The following CPEB1 variants were observed in gnomAD, a reference collection of about 807,000 sequenced individuals.
CPEB1 encodes the protein cytoplasmic polyadenylation element binding protein 1.
In CPEB1, 7 loss-of-function variants were observed where a neutral mutation model predicts 65.8. The observed-to-expected ratio is 0.11, with a 90% CI of 0.06 to 0.20. The LOEUF (loss-of-function observed/expected upper bound fraction) is 0.20, where lower values mean the gene tolerates loss of function less well. Ranked by LOEUF, CPEB1 falls within the 10% of genes least tolerant of loss-of-function variation. The pLI, the probability that CPEB1 is intolerant of heterozygous loss-of-function variation, is 1.00. For missense variants in CPEB1, 551 were observed against 712.2 expected, an observed-to-expected ratio of 0.77 and a Z score of 2.58; for synonymous variants, 262 against 260.0, an observed-to-expected ratio of 1.01 and a Z score of -0.08.
intron 10 of CPEB1, among the ~76,000 whole-genome samples, chr15:82,547,513 CTTG>C (rs2035468877): frequency 6.6e-6 from 1 of 151,788 alleles, no homozygotes; most frequent in Admixed American, 6.6e-5. Context: ...CCAGCATGGT[CTTG>C]ATCTCCTGAC....
chr15:82,603,194 A>G, intron 3 of CPEB1, among the ~76,000 whole-genome samples: 1 of 152,080 alleles, frequency 6.6e-6, no homozygotes, highest in Non-Finnish European at 1.5e-5. Context: ...CCTGGAAGCC[A>G]CTGAAAGGAC....
intron 3 of CPEB1, chr15:82,571,945 G>C (rs1269414939): frequency 5.2e-6 from 4 of 765,730 alleles, no homozygotes; most frequent in Middle Eastern, 1.3e-3. Flanking sequence ...AATAGTCCCG[G>C]TGCAGTGCCG....
chr15:82,569,074 TC>T (rs1420381186), intron 4 of CPEB1, among the ~76,000 whole-genome samples: 5 of 152,152 alleles, frequency 3.3e-5, no homozygotes, highest in African/African-American at 1.2e-4. Flanking sequence ...GTTGAAAGCC[TC>T]CTCCCTCACT....
In CPEB1 at chr15:82,546,538, T is replaced by TA; in HGVS notation, c.1576-18dup. On this transcript the variant is annotated splice_polypyrimidine_tract_variant and intron_variant, in intron 11 of 12. Coordinates refer to ENST00000684509, the MANE Select transcript of CPEB1 (RefSeq NM_001365242.1). Reference sequence around the variant, plus strand: ...AATCTGAACCTGCACAAAGGCAAAATAAGATGATGAAGTGGCTCTTCTTAC... The same window carrying TA: ...AATCTGAACCTGCACAAAGGCAAAATAAAGATGATGAAGTGGCTCTTCTTAC... 1 of 1,601,670 alleles carries TA rather than the reference T, an allele frequency of 6.2e-7. No homozygotes were observed. The highest frequency in any genetic ancestry group is 8.6e-7 in the Non-Finnish European group (1 of 1,169,034).
At chr15:82,633,506 G>A (rs975560530) in intron 1 of CPEB1, among the ~76,000 whole-genome samples, 1 of 152,210 alleles carries the variant, frequency 6.6e-6, no homozygotes, top group African/African-American at 2.4e-5. Context: ...CCGAGTAGCT[G>A]GGATTACAGG....
rs3080692 is a variant in CPEB1, at chr15:82,584,903, CTTTTT to C, written c.272-13376_272-13372del. Among the ~76,000 whole-genome samples, 210 of 81,736 alleles carry C rather than the reference CTTTTT, an allele frequency of 2.6e-3. 2 individuals are homozygous for C. The highest frequency in any genetic ancestry group is 0.02 in the Middle Eastern group (2 of 102). The allele number at this position is 81,736 out of a possible 152,430, so 53.6% of individuals were successfully genotyped here. A position where few individuals can be genotyped will look rare whatever the true frequency, so the allele number is the denominator to read the frequency against. ...GACATAATTTTTTTTTCCTAATTTG[CTTTTT>C]TTTTTTTTTTTTTTACAGTGAACAC... On this transcript the variant is annotated intron_variant, in intron 3 of 12. Coordinates refer to ENST00000684509, the MANE Select transcript of CPEB1 (RefSeq NM_001365242.1).
chr15:82,546,125 T>G (rs1251569132), intron 12 of CPEB1, among the ~76,000 whole-genome samples: 1 of 152,142 alleles, frequency 6.6e-6, no homozygotes, highest in African/African-American at 2.4e-5. Context: ...CAATTTTTTT[T>G]TTTTGACACG....
At chr15:82,600,612 G>A (rs2043021845) in intron 3 of CPEB1, among the ~76,000 whole-genome samples, 1 of 152,168 alleles carries the variant, frequency 6.6e-6, no homozygotes, top group African/African-American at 2.4e-5. Context: ...TAAGGTCCTT[G>A]CATTTTCTAG....
chr15:82,605,628 A>ACAT (rs1227105020), intron 3 of CPEB1, among the ~76,000 whole-genome samples: 2 of 151,676 alleles, frequency 1.3e-5, no homozygotes, highest in African/African-American at 4.9e-5. Flanking sequence ...ATATATCAGA[A>ACAT]CATCACACTG....
upstream of CPEB1, chr15:82,647,687 C>T: frequency 2.2e-6 from 1 of 444,860 alleles, no homozygotes; most frequent in Non-Finnish European, 3.5e-6. Context: ...CGCCCTCCAC[C>T]CCTCCACGAG....
chr15:82,614,398 T>A (rs529135893), intron 3 of CPEB1, among the ~76,000 whole-genome samples: 20 of 152,352 alleles, frequency 1.3e-4, no homozygotes, highest in African/African-American at 4.8e-4. Flanking sequence ...AGTTTCCATA[T>A]ATTCTATGTT....
chr15:82,566,631 C>G (rs891652958), intron 4 of CPEB1, among the ~76,000 whole-genome samples: 1 of 152,176 alleles, frequency 6.6e-6, no homozygotes, highest in Non-Finnish European at 1.5e-5. Flanking sequence ...TCTTGATCAT[C>G]AGGCAAGTTC....
chr15:82,619,358 T>TAC (rs1296796684), intron 3 of CPEB1, among the ~76,000 whole-genome samples: 1 of 152,190 alleles, frequency 6.6e-6, no homozygotes, highest in African/African-American at 2.4e-5. Context: ...AAACATATAC[T>TAC]ACCTTCATGA....
intron 1 of CPEB1, among the ~76,000 whole-genome samples, chr15:82,640,027 G>A (rs893341466): frequency 6.6e-6 from 1 of 152,070 alleles, no homozygotes; most frequent in African/African-American, 2.4e-5. Flanking sequence ...CCCTTTGATG[G>A]TTTTTCTCCA....
intron 1 of CPEB1, among the ~76,000 whole-genome samples, chr15:82,639,781 C>G (rs913166626): frequency 6.6e-6 from 1 of 152,084 alleles, no homozygotes; most frequent in Non-Finnish European, 1.5e-5. Flanking sequence ...CTCCTGGAGT[C>G]TGAAATTTTG....
chr15:82,552,906 A>G (rs929980212), intron 8 of CPEB1, among the ~76,000 whole-genome samples: 1 of 152,216 alleles, frequency 6.6e-6, no homozygotes, highest in Non-Finnish European at 1.5e-5. Flanking sequence ...AGGTCAGCAG[A>G]GCCAGGCTTT....
intron 3 of CPEB1, among the ~76,000 whole-genome samples, chr15:82,601,835 A>T (rs2151196097): frequency 6.6e-6 from 1 of 152,378 alleles, no homozygotes; most frequent in Middle Eastern, 3.4e-3. Context: ...TCTAAAACTT[A>T]ATAAAAGCAT....
chr15:82,552,601 A>C lies in CPEB1; in HGVS notation c.1160T>G (p.Val387Gly), dbSNP rs755502093. The change falls in exon 9 of 13, where the codon GTC (valine) becomes GGC (glycine). Residue 387 changes from valine (V) to glycine (G), a missense_variant. Around this residue, in one of 6 missense-constraint regions of CPEB1, gnomAD observed 99 missense variants for 161.3 expected, o/e 0.61. Coordinates refer to ENST00000684509, the MANE Select transcript of CPEB1 (RefSeq NM_001365242.1). ...RCPPKGYVYL[V>G]FELEKSVRSL... ...TCGGACAGACTTCTCTAGTTCGAAGACCAGATACACATACCCTATTCCCAA... is the reference window on the plus strand; with the variant it reads ...TCGGACAGACTTCTCTAGTTCGAAGCCCAGATACACATACCCTATTCCCAA... 1.9e-6 allele frequency: 3 copies of C among 1,614,036 alleles called. No individual in the cohort carries two copies. Among genetic ancestry groups the C allele is most frequent in the Non-Finnish European group, 2.5e-6 (3 of 1,179,988 alleles).
intron 3 of CPEB1, chr15:82,571,779 G>T: frequency 7.8e-7 from 1 of 1,285,026 alleles, no homozygotes; most frequent in Non-Finnish European, 9.8e-7. Context: ...GCCAGCATGT[G>T]ATCAGGCTGC....
Sources: gnomAD v4.1 joint callset for allele counts (sites outside exome capture counted in the v4.1 genomes callset) on GRCh38, gnomAD v4.1.1 for gene constraint, gnomAD v4.1.1 regional missense constraint, MANE v1.5 for transcripts, NCBI Gene and HGNC (gene_info 2026-07-23, HGNC 2026-07-21) for gene names.